Variants in ZKSCAN4 observed in about 807,000 individuals in gnomAD.
The protein encoded by ZKSCAN4 is zinc finger with KRAB and SCAN domains 4.
In ZKSCAN4, 23 loss-of-function variants were observed where a neutral mutation model predicts 30.8. The observed-to-expected ratio is 0.75, with a 90% confidence interval of 0.54 to 1.06. The LOEUF (loss-of-function observed/expected upper bound fraction) is 1.06. ZKSCAN4 is among the 50% of genes least tolerant of loss of function. ZKSCAN4 has a pLI of 0.00. For missense variants in ZKSCAN4, 556 were observed against 665.4 expected (o/e 0.84, Z 1.81); for synonymous variants, 208 against 252.5 (o/e 0.82, Z 1.67).
rs906317370 is a variant in ZKSCAN4, at chr6:28,244,173, G to A, written c.*943C>T. On this transcript the variant is annotated 3_prime_UTR_variant, in exon 5 of 5. Transcript: ENST00000377294. The stretch of plus-strand genomic sequence containing the variant: ...GCACAGTCAGCTATAAACTGGGGAA[G>A]AGGGACACAGATGACGTCTTAGCAC... Among the ~76,000 whole-genome samples the A allele has an allele frequency of 6.6e-6, 1 of 152,220 alleles. No individual in the cohort carries two copies. Among genetic ancestry groups the A allele is most frequent in the African/African-American group, 2.4e-5 (1 of 41,454 alleles).
At chr6:28,248,028 G>A in intron 3 of ZKSCAN4, 39 bp downstream of exon 3, 1 of 1,501,680 alleles carries the variant, frequency 6.7e-7, no homozygotes, top group Non-Finnish European at 9.2e-7. Context: ...AGTAGTGAAA[G>A]GTATGGGGCG....
chr6:28,249,033 G>C lies in ZKSCAN4; in HGVS notation c.571+654C>G, dbSNP rs183446414. 1.3e-5 allele frequency among the ~76,000 whole-genome samples: 2 copies of C among 152,238 alleles called. No individual in the cohort carries two copies. The highest frequency in any genetic ancestry group is 2.9e-5 in the Non-Finnish European group (2 of 68,016). The stretch of plus-strand genomic sequence containing the variant: ...GTTGGTTTAGGCCAGAAACTCTGCT[G>C]AGAAATAAAGATTGCATGTTGGATG... On this transcript the variant is annotated intron_variant, in intron 2 of 4. Transcript: ENST00000377294. This position sits in a 1 kb window ranked among gnomAD's most constrained non-coding sequence, Gnocchi z 4.1.
chr6:28,249,653 A>G lies in ZKSCAN4; in HGVS notation c.571+34T>C, dbSNP rs1256126506. The G allele has an allele frequency of 1.9e-6, 3 of 1,602,738 alleles. No homozygotes were observed. The highest frequency in any genetic ancestry group is 2.2e-5 in the East Asian group (1 of 44,678). On this transcript the variant is annotated intron_variant, in intron 2 of 4. Transcript: ENST00000377294. This position sits in a 1 kb window ranked among gnomAD's most constrained non-coding sequence, Gnocchi z 4.1. ...CCTTAAATGAAATTGGATGAAGTCTATAGAATTCATACAACCCAGAAGAGA... is the reference window on the plus strand; with the variant it reads ...CCTTAAATGAAATTGGATGAAGTCTGTAGAATTCATACAACCCAGAAGAGA...
chr6:28,253,911 C>G (rs147550448), upstream of ZKSCAN4, among the ~76,000 whole-genome samples: 1 of 152,178 alleles, frequency 6.6e-6, no homozygotes, highest in Non-Finnish European at 1.5e-5. This position sits in a 1 kb window ranked among gnomAD's most constrained non-coding sequence, Gnocchi z 4.2. Context: ...CTCAGCCTCC[C>G]AAAGTGCTGG....
Position 28,249,209 on chromosome 6 carries a change from C to T in ZKSCAN4, c.571+478G>A, listed in dbSNP as rs954793864. Among the ~76,000 whole-genome samples the T allele has an allele frequency of 4.6e-5, 7 of 152,210 alleles. No individual in the cohort carries two copies. Among genetic ancestry groups the T allele is most frequent in the African/African-American group, 1.7e-4 (7 of 41,464 alleles). On this transcript the variant is annotated intron_variant, in intron 2 of 4. Transcript: ENST00000377294. This position sits in a 1 kb window ranked among gnomAD's most constrained non-coding sequence, Gnocchi z 4.1. ...GTTTAGATTTACACTCTTCTATTTG[C>T]AGCAGTCCTACTATCTCTGGAATGT...
upstream of ZKSCAN4, among the ~76,000 whole-genome samples, chr6:28,252,422 C>T (rs1761046110): frequency 6.6e-6 from 1 of 152,120 alleles, no homozygotes; most frequent in African/African-American, 2.4e-5. Context: ...GAAAGGATGA[C>T]AGACCTTGGA....
At chr6:28,250,072 T>G (rs1414722253) in intron 1 of ZKSCAN4, among the ~76,000 whole-genome samples, 2 of 132,228 alleles carry the variant, frequency 1.5e-5, no homozygotes, top group Non-Finnish European at 3.4e-5. Context: ...GGTTTTTTTG[T>G]TTTTTTTTTT....
chr6:28,251,335 G>A lies in ZKSCAN4; in HGVS notation c.423+223C>T. 1 of 684,330 alleles carries A rather than the reference G, an allele frequency of 1.5e-6. No individual in the cohort carries two copies. Among genetic ancestry groups the A allele is most frequent in the Non-Finnish European group, 2.4e-6 (1 of 412,926 alleles). 42.4% of individuals were successfully genotyped at this position (684,330 alleles called of 1,614,324 possible). A position where few individuals can be genotyped will look rare whatever the true frequency, so the allele number is the denominator to read the frequency against. ...AAATTTAATTCTTTGCTAACTGTAT[G>A]TCAATATAGTTGTGTTCTTTTGTAA... On this transcript the variant is annotated intron_variant, in intron 1 of 4. Coordinates refer to ENST00000377294, the MANE Select transcript of ZKSCAN4 (RefSeq NM_019110.5). The surrounding 1 kb of genome is among the most constrained non-coding windows in gnomAD (Gnocchi z 4.5).
At position 28,251,594 on chromosome 6, in the gene ZKSCAN4, C is replaced by G; in HGVS notation, c.387G>C (p.Glu129Asp). The change falls in exon 1 of 5, where the codon GAG becomes GAC. Residue 129 changes from glutamate (E) to aspartate (D), a missense_variant. By Grantham distance (45) the Glu-to-Asp change is conservative. Around this residue, in one of 3 missense-constraint regions of ZKSCAN4, gnomAD observed 433 missense variants for 511.5 expected, o/e 0.85. Transcript: ENST00000377294. The surrounding 1 kb of genome is among the most constrained non-coding windows in gnomAD (Gnocchi z 4.5). Reference sequence around the variant, plus strand: ...GCTCATCCAGCTGCCTCTCCAAATACTCCAATAGCACCACCACCTCCTCCC... The same window carrying G: ...GCTCATCCAGCTGCCTCTCCAAATAGTCCAATAGCACCACCACCTCCTCCC... ...ESGEEVVVLL[E>D]YLERQLDEPA... The G allele has an allele frequency of 6.2e-7, 1 of 1,614,226 alleles. No individual in the cohort carries two copies. The highest frequency in any genetic ancestry group is 8.5e-7 in the Non-Finnish European group (1 of 1,180,040).
intron 3 of ZKSCAN4, 22 bp downstream of exon 3, chr6:28,248,045 A>T: frequency 6.3e-7 from 1 of 1,592,624 alleles, no homozygotes; most frequent in East Asian, 2.2e-5. Context: ...GGCGCTGGGG[A>T]GGGAGAGGAG....
intron 1 of ZKSCAN4, among the ~76,000 whole-genome samples, chr6:28,250,101 C>T (rs1403709879): frequency 5.4e-5 from 8 of 148,994 alleles, no homozygotes; most frequent in African/African-American, 2.0e-4. Flanking sequence ...GAATTTCACT[C>T]TTGTTGCTCA....
rs371703780 is a variant in ZKSCAN4 at position 28,245,089 on chromosome 6, C to T, written c.*27G>A. 33 of 1,613,940 alleles carry T rather than the reference C, an allele frequency of 2.0e-5. No homozygotes were observed. Among genetic ancestry groups the T allele is most frequent in the Non-Finnish European group, 2.5e-5 (29 of 1,179,994 alleles). On this transcript the variant is annotated 3_prime_UTR_variant, in exon 5 of 5. Transcript: ENST00000377294. ...TGGCTTCAGTTCAGTGACAAATGAGCACCAATGTTGGCATGAATACCATGG... is the reference window on the plus strand; with the variant it reads ...TGGCTTCAGTTCAGTGACAAATGAGTACCAATGTTGGCATGAATACCATGG...
At chr6:28,252,396 T>A (rs79880617), upstream of ZKSCAN4, among the ~76,000 whole-genome samples, 3,304 of 151,486 alleles carry the variant, frequency 0.022, 59 homozygotes, top group African/African-American at 0.058. Flanking sequence ...GGGAAGGCAG[T>A]TAAGGGATAG....
In ZKSCAN4 at chr6:28,249,463, C is replaced by A. The variant is rs548830080; in HGVS notation, c.571+224G>T. On this transcript the variant is annotated intron_variant, in intron 2 of 4. Transcript: ENST00000377294. This position sits in a 1 kb window ranked among gnomAD's most constrained non-coding sequence, Gnocchi z 4.1. ...GGAGATCACCATGTTGTTTAAAAAA[C>A]CGATTCTTTCTAGACATCAATTTTA... Among the ~76,000 whole-genome samples the A allele has an allele frequency of 1.3e-5, 2 of 152,216 alleles. No individual in the cohort carries two copies. The highest frequency in any genetic ancestry group is 2.1e-4 in the South Asian group (1 of 4,826).
upstream of ZKSCAN4, among the ~76,000 whole-genome samples, chr6:28,256,741 A>G (rs1284453704): frequency 2.6e-5 from 4 of 152,208 alleles, no homozygotes; most frequent in Non-Finnish European, 4.4e-5. Flanking sequence ...TTTTATCCCT[A>G]TAAGCATACT....
intron 3 of ZKSCAN4, 106 bp downstream of exon 3, chr6:28,247,961 A>C (rs1351474637): frequency 1.4e-6 from 1 of 704,714 alleles, no homozygotes; most frequent in African/African-American, 1.8e-5. Context: ...ATTCATGTAG[A>C]TCTAGGATAG....
chr6:28,245,363 T>C lies in ZKSCAN4; in HGVS notation c.1391A>G (p.His464Arg). The C allele has an allele frequency of 6.2e-7, 1 of 1,614,236 alleles. No homozygotes were observed. Among genetic ancestry groups the C allele is most frequent in the Non-Finnish European group, 8.5e-7 (1 of 1,180,040 alleles). ...HGDKNVQNPE[H>R]GESWESQGRT... Reference sequence around the variant, plus strand: ...ACCCTGACTTTCCCAGGACTCCCCGTGCTCAGGATTCTGAACATTTTTATC... The same window carrying C: ...ACCCTGACTTTCCCAGGACTCCCCGCGCTCAGGATTCTGAACATTTTTATC... Residue 464 changes from histidine to arginine, a missense_variant, in exon 5 of 5, where the codon CAC (histidine) becomes CGC (arginine). His to Arg is a conservative substitution (Grantham distance 29). This residue lies in a region of ZKSCAN4 where 433 missense variants were observed against 511.5 expected (regional missense o/e 0.85). Coordinates refer to ENST00000377294, the MANE Select transcript of ZKSCAN4 (RefSeq NM_019110.5).
chr6:28,251,066 C>G lies in ZKSCAN4; in HGVS notation c.423+492G>C, dbSNP rs1260149311. Among the ~76,000 whole-genome samples the G allele has an allele frequency of 1.3e-5, 2 of 152,192 alleles. No individual in the cohort carries two copies. Among genetic ancestry groups the G allele is most frequent in the Non-Finnish European group, 2.9e-5 (2 of 68,038 alleles). ...GAACTTAGAAAGGACAAAAACTAATCTTATTTTTACTGGTCTTTAAGAGAG... is the reference window on the plus strand; with the variant it reads ...GAACTTAGAAAGGACAAAAACTAATGTTATTTTTACTGGTCTTTAAGAGAG... On this transcript the variant is annotated intron_variant, in intron 1 of 4. Transcript: ENST00000377294. The surrounding 1 kb of genome is among the most constrained non-coding windows in gnomAD (Gnocchi z 4.5).
Position 28,251,902 on chromosome 6 carries a change from C to T in ZKSCAN4, c.79G>A (p.Val27Met). 6.5e-7 allele frequency: 1 copy of T among 1,536,208 alleles called. No individual in the cohort carries two copies. The highest frequency in any genetic ancestry group is 8.7e-7 in the Non-Finnish European group (1 of 1,147,466). The change falls in exon 1 of 5, where the codon GTG becomes ATG. Residue 27 changes from valine (V) to methionine (M), a missense_variant. Physicochemically the swap from Val to Met is conservative, Grantham distance 21 (BLOSUM62 1). Coordinates refer to ENST00000377294, the MANE Select transcript of ZKSCAN4 (RefSeq NM_019110.5). This position sits in a 1 kb window ranked among gnomAD's most constrained non-coding sequence, Gnocchi z 4.5. ...EDQTGLLTVK[V>M]EKEEASALTA... is the part of the protein sequence containing the mutation. ...AAGGCGGAGGCTTCCTCCTTCTCCA[C>T]CTTCACGGTCAGGAGCCCCGTCTGG...
Sources: allele counts gnomAD v4.1 joint callset (sites outside exome capture counted in the v4.1 genomes callset), GRCh38; gene constraint gnomAD v4.1.1; regional missense constraint gnomAD v4.1.1; non-coding constraint Gnocchi (gnomAD v3.1); transcripts MANE v1.5; gene names NCBI Gene and HGNC (gene_info 2026-07-23, HGNC 2026-07-21).